DLG2: variants seen among roughly 807,000 people sequenced by gnomAD.
DLG2 encodes discs large MAGUK scaffold protein 2, also known as disks large homolog 2.
A neutral mutation model predicts 132.5 loss-of-function variants in DLG2; 45 were observed. The ratio of observed to expected loss-of-function variants is 0.34; its 90% CI spans 0.27 to 0.44. The LOEUF is 0.44. Among genes scored for constraint, DLG2 ranks in the 20% least tolerant of loss-of-function variants. The probability of loss-of-function intolerance (pLI) is 1.00; values close to 1 mark genes in which losing one functional copy is unlikely to be tolerated. For missense variants in DLG2, 1,045 were observed against 1,196.9 expected (o/e 0.87, Z 1.87); for synonymous variants, 424 against 419.6 (o/e 1.01, Z -0.13).
chr11:85,462,910 G>T (rs78040704), intron 3 of DLG2, among the ~76,000 whole-genome samples: 124 of 152,274 alleles, frequency 8.1e-4, no homozygotes, highest in African/African-American at 2.8e-3. Context: ...TCATCGATCT[G>T]TTAAAATCAA....
chr11:84,119,750 T>C (rs759584855), intron 9 of DLG2, among the ~76,000 whole-genome samples: 1 of 151,932 alleles, frequency 6.6e-6, no homozygotes, highest in African/African-American at 2.4e-5. Flanking sequence ...TTAGAAAGAG[T>C]ATACGAATCT....
intron 6 of DLG2, among the ~76,000 whole-genome samples, chr11:84,964,926 G>A (rs113583139): frequency 6.6e-5 from 10 of 152,172 alleles, no homozygotes; most frequent in African/African-American, 2.4e-4. Flanking sequence ...CATATACGAA[G>A]TGTGATTAAT....
intron 6 of DLG2, among the ~76,000 whole-genome samples, chr11:84,946,251 ATTCTTCCCTTTCCTTTC>A (rs1339223037): frequency 6.6e-6 from 1 of 152,072 alleles, no homozygotes; most frequent in Non-Finnish European, 1.5e-5. Flanking sequence ...AGTTCCCTTT[ATTCTTCCCTTTCCTTTC>A]TTCAAACAGA....
In DLG2 at chr11:83,912,890, C is replaced by T. The variant is rs73524960; in HGVS notation, c.1496+17438G>A. On this transcript the variant is annotated intron_variant, in intron 15 of 27. Coordinates refer to ENST00000376104, the MANE Select transcript of DLG2 (RefSeq NM_001142699.3). The stretch of plus-strand genomic sequence containing the variant: ...CAGATAGAATATTTTATAGTATGCC[C>T]GCGGCTTTGTCAAAGGTTGGGGAAG... Among the ~76,000 whole-genome samples, 980 of 152,098 alleles carry T rather than the reference C, an allele frequency of 6.4e-3. 10 individuals carry two copies. The highest frequency in any genetic ancestry group is 0.018 in the African/African-American group (757 of 41,518).
chr11:83,522,358 G>T (rs568971400), intron 21 of DLG2, among the ~76,000 whole-genome samples: 4 of 152,198 alleles, frequency 2.6e-5, no homozygotes, highest in East Asian at 3.9e-4. Flanking sequence ...TGGGATGGCA[G>T]AGGTGGGGTC....
chr11:84,473,222 C>T (rs564501226), intron 7 of DLG2, among the ~76,000 whole-genome samples: 14 of 152,132 alleles, frequency 9.2e-5, no homozygotes, highest in African/African-American at 3.4e-4. Context: ...GGGGGGGTTT[C>T]TCTAAGAATG....
intron 6 of DLG2, among the ~76,000 whole-genome samples, chr11:84,950,953 C>A (rs978239654): frequency 6.6e-6 from 1 of 152,132 alleles, no homozygotes; most frequent in African/African-American, 2.4e-5. Flanking sequence ...TACTTTAAAT[C>A]TATTTTTACT....
chr11:84,019,697 C>A (rs576228360), intron 11 of DLG2, among the ~76,000 whole-genome samples: 2 of 152,224 alleles, frequency 1.3e-5, no homozygotes, highest in Middle Eastern at 3.4e-3. Flanking sequence ...CAGAAACAGA[C>A]ATGCATACAG....
At chr11:84,370,037 T>C (rs1050168070) in intron 7 of DLG2, among the ~76,000 whole-genome samples, 6 of 152,138 alleles carry the variant, frequency 3.9e-5, no homozygotes, top group African/African-American at 1.4e-4. Context: ...TAAATAATTA[T>C]AATGCTGAAG....
intron 8 of DLG2, 138 bp from the exon 9 acceptor site, chr11:84,163,649 G>C (rs894145536): frequency 1.5e-6 from 1 of 676,886 alleles, no homozygotes; most frequent in African/African-American, 1.9e-5. Context: ...TTCTGATTGT[G>C]CATTTTCATT....
At chr11:85,017,381 G>A (rs1431759473) in intron 6 of DLG2, among the ~76,000 whole-genome samples, 1 of 148,132 alleles carries the variant, frequency 6.8e-6, no homozygotes, top group African/African-American at 2.5e-5. Context: ...CTTTCTTCCT[G>A]TAACCTGATT....
intron 19 of DLG2, among the ~76,000 whole-genome samples, chr11:83,620,857 G>T (rs1435937183): frequency 3.1e-5 from 3 of 95,486 alleles, no homozygotes; most frequent in African/African-American, 1.7e-4. Context: ...GCGACAGAGC[G>T]AGACTCCGTC....
At chr11:85,027,899 G>A (rs2060671322) in intron 6 of DLG2, among the ~76,000 whole-genome samples, 1 of 152,208 alleles carries the variant, frequency 6.6e-6, no homozygotes, top group Non-Finnish European at 1.5e-5. Flanking sequence ...GTAAGCGGGG[G>A]AGGGGGGTGT....
chr11:84,951,705 A>T (rs1196771514), intron 6 of DLG2, among the ~76,000 whole-genome samples: 1 of 150,660 alleles, frequency 6.6e-6, no homozygotes, highest in Non-Finnish European at 1.5e-5. Flanking sequence ...ATATATATAC[A>T]CACACGTATA....
At chr11:84,551,535 C>G (rs529285958) in intron 6 of DLG2, among the ~76,000 whole-genome samples, 1 of 152,258 alleles carries the variant, frequency 6.6e-6, no homozygotes, top group African/African-American at 2.4e-5. Context: ...TTTATTTAAT[C>G]CTTAAACAAA....
At chr11:85,206,888 A>T (rs1329880079) in intron 4 of DLG2, among the ~76,000 whole-genome samples, 1 of 152,030 alleles carries the variant, frequency 6.6e-6, no homozygotes, top group East Asian at 1.9e-4. Context: ...ATGTCATCAC[A>T]TGTATTTTTT....
At chr11:84,814,973 A>C (rs1404773618) in intron 6 of DLG2, among the ~76,000 whole-genome samples, 1 of 152,082 alleles carries the variant, frequency 6.6e-6, no homozygotes, top group Admixed American at 6.6e-5. Context: ...AGACATGTAG[A>C]GAAGGGGAGT....
intron 7 of DLG2, among the ~76,000 whole-genome samples, chr11:84,375,232 G>T (rs921762528): frequency 2.6e-5 from 4 of 152,072 alleles, no homozygotes; most frequent in African/African-American, 9.7e-5. Context: ...TAAAAGAAGG[G>T]TTCTTGTCTT....
chr11:84,268,703 C>T (rs1272998448), intron 7 of DLG2, among the ~76,000 whole-genome samples: 5 of 151,924 alleles, frequency 3.3e-5, no homozygotes, highest in African/African-American at 7.3e-5. Flanking sequence ...CCTCGTGATC[C>T]GCCCGCCTCA....
Sources: gnomAD v4.1 joint callset for allele counts (sites outside exome capture counted in the v4.1 genomes callset) on GRCh38, gnomAD v4.1.1 for gene constraint, MANE v1.5 for transcripts, NCBI Gene and HGNC (gene_info 2026-07-23, HGNC 2026-07-21) for gene names.